Variants in AUTS2 observed in about 807,000 individuals in gnomAD.
The protein encoded by AUTS2 is activator of transcription and developmental regulator AUTS2.
AUTS2 carries 17 observed loss-of-function variants against 112.4 expected under a neutral mutation model. That is an observed-to-expected ratio of 0.15 (90% CI 0.10 to 0.23). The LOEUF (loss-of-function observed/expected upper bound fraction) is 0.23, where lower values mean the gene tolerates loss of function less well. Ranked by LOEUF, AUTS2 falls within the 10% of genes least tolerant of loss-of-function variation. The pLI, the probability that AUTS2 is intolerant of heterozygous loss-of-function variation, is 1.00. For missense variants in AUTS2, 1,510 were observed against 1,701.6 expected (o/e 0.89, Z 1.98); for synonymous variants, 751 against 702.7 (o/e 1.07, Z -1.09).
At chr7:70,028,117 C>T (rs901447284) in intron 2 of AUTS2, among the ~76,000 whole-genome samples, 2 of 151,754 alleles carry the variant, frequency 1.3e-5, no homozygotes, top group African/African-American at 4.8e-5. Context: ...TGCATGCTCT[C>T]TGACTCTCTC....
At chr7:69,910,800 G>T (rs1254593358) in intron 2 of AUTS2, among the ~76,000 whole-genome samples, 1 of 151,980 alleles carries the variant, frequency 6.6e-6, no homozygotes, top group Admixed American at 6.5e-5. Context: ...GCGAATTTTT[G>T]TATTTTTAGT....
chr7:70,170,005 G>A (rs1808584206), intron 4 of AUTS2, among the ~76,000 whole-genome samples: 1 of 151,674 alleles, frequency 6.6e-6, no homozygotes, highest in African/African-American at 2.4e-5. Context: ...AATACTTGCT[G>A]AAAATTGGAA....
chr7:70,227,157 G>T (rs1811808556), intron 4 of AUTS2, among the ~76,000 whole-genome samples: 1 of 152,038 alleles, frequency 6.6e-6, no homozygotes, highest in Non-Finnish European at 1.5e-5. Context: ...AGTCTTATAT[G>T]TGTATAAAAA....
intron 4 of AUTS2, among the ~76,000 whole-genome samples, chr7:70,383,879 A>C (rs1793489261): frequency 6.6e-6 from 1 of 152,170 alleles, no homozygotes; most frequent in South Asian, 2.1e-4. Flanking sequence ...CAAAATACCT[A>C]ACCACCATGA....
intron 4 of AUTS2, among the ~76,000 whole-genome samples, chr7:70,234,218 A>T (rs201611903): frequency 2.0e-5 from 3 of 152,308 alleles, no homozygotes; most frequent in African/African-American, 7.2e-5. Context: ...TTAATGTATT[A>T]TATCATATTT....
intron 4 of AUTS2, among the ~76,000 whole-genome samples, chr7:70,395,390 C>G (rs997290707): frequency 6.6e-5 from 10 of 152,188 alleles, no homozygotes; most frequent in Admixed American, 3.3e-4. Flanking sequence ...AAAACTTAGA[C>G]TTGAACCCAA....
chr7:70,434,417 G>C (rs1795805384), intron 4 of AUTS2, among the ~76,000 whole-genome samples: 1 of 152,162 alleles, frequency 6.6e-6, no homozygotes, highest in Non-Finnish European at 1.5e-5. Context: ...TCCTGTTTCT[G>C]TTCAAAGCTA....
chr7:69,948,301 G>A lies in AUTS2; in HGVS notation c.522+48803G>A, dbSNP rs562802977. Among the ~76,000 whole-genome samples, 5 of 152,276 alleles carry A rather than the reference G, an allele frequency of 3.3e-5. No homozygotes were observed. The South Asian group carries it at 1.0e-3, about 32-fold the overall frequency. ...CCCACTCAATCCACTTCACTGGATA[G>A]CATTGCTCAAAAGATATTCTTTTAC... On this transcript the variant is annotated intron_variant, in intron 2 of 18. Transcript: ENST00000342771.
chr7:70,673,629 G>C (rs1807759203), intron 5 of AUTS2, among the ~76,000 whole-genome samples: 1 of 152,054 alleles, frequency 6.6e-6, no homozygotes, highest in Non-Finnish European at 1.5e-5. Flanking sequence ...ACCTGCCTTG[G>C]CCTCTCAAGG....
intron 4 of AUTS2, among the ~76,000 whole-genome samples, chr7:70,165,147 A>G (rs372736371): frequency 6.6e-6 from 1 of 152,334 alleles, no homozygotes; most frequent in Non-Finnish European, 1.5e-5. Flanking sequence ...AGGATAGGCT[A>G]ATAAAGCCTT....
chr7:69,849,791 A>G lies in AUTS2; in HGVS notation c.310-49495A>G, dbSNP rs543500670. 7.9e-5 allele frequency among the ~76,000 whole-genome samples: 12 copies of G among 152,248 alleles called. No individual in the cohort carries two copies. In the South Asian group the frequency reaches 2.5e-3, roughly 32 times the overall value. On this transcript the variant is annotated intron_variant, in intron 1 of 18. Transcript: ENST00000342771. Reference sequence around the variant, plus strand: ...GAATGTTTATTCTTTATTACTACCTAGTAGTATTCCATGGTGTGGACACAT... The same window carrying G: ...GAATGTTTATTCTTTATTACTACCTGGTAGTATTCCATGGTGTGGACACAT...
At position 70,790,999 on chromosome 7, in the gene AUTS2, C is replaced by G; in HGVS notation, c.*3C>G. The G allele has an allele frequency of 6.7e-7, 1 of 1,490,718 alleles. No homozygotes were observed. The highest frequency in any genetic ancestry group is 1.4e-5 in the African/African-American group (1 of 71,210). The allele number at this position is 1,490,718 out of a possible 1,614,324, so 92.3% of individuals were successfully genotyped here. A position where few individuals can be genotyped will look rare whatever the true frequency, so the allele number is the denominator to read the frequency against. On this transcript the variant is annotated 3_prime_UTR_variant, in exon 19 of 19. Transcript: ENST00000342771. This position sits in a 1 kb window ranked among gnomAD's most constrained non-coding sequence, Gnocchi z 7.6. Reference sequence around the variant, plus strand: ...TGAAGGATATCGAGGCCCGATAAGCCGAGAACAGGAGCAAGAACGAGGAAG... The same window carrying G: ...TGAAGGATATCGAGGCCCGATAAGCGGAGAACAGGAGCAAGAACGAGGAAG...
chr7:70,613,401 T>C (rs2129534369), intron 5 of AUTS2, among the ~76,000 whole-genome samples: 1 of 152,304 alleles, frequency 6.6e-6, no homozygotes, highest in Non-Finnish European at 1.5e-5. Flanking sequence ...TCATAGTAGA[T>C]TCTGATGACA....
intron 4 of AUTS2, among the ~76,000 whole-genome samples, chr7:70,395,136 TGAGA>T (rs1433348714): frequency 6.6e-6 from 1 of 151,880 alleles, no homozygotes; most frequent in Non-Finnish European, 1.5e-5. Flanking sequence ...GGGCAAGGAC[TGAGA>T]GAGAGTGGGG....
intron 1 of AUTS2, among the ~76,000 whole-genome samples, chr7:69,896,737 G>A (rs775303832): frequency 6.6e-6 from 1 of 152,136 alleles, no homozygotes; most frequent in Non-Finnish European, 1.5e-5. Context: ...CTTATGTGAA[G>A]CACTGGGATT....
chr7:70,133,041 T>C (rs909968083), intron 3 of AUTS2, among the ~76,000 whole-genome samples: 5 of 152,150 alleles, frequency 3.3e-5, no homozygotes, highest in African/African-American at 1.2e-4. Context: ...CCATGACTAC[T>C]GTGGATCTCC....
intron 2 of AUTS2, among the ~76,000 whole-genome samples, chr7:69,960,601 ACAC>A (rs1797391102): frequency 6.6e-6 from 1 of 152,222 alleles, no homozygotes; most frequent in Non-Finnish European, 1.5e-5. Flanking sequence ...TTATGAAAAG[ACAC>A]AATATCGAAC....
At chr7:70,475,745 TCTA>T (rs1255456069) in intron 5 of AUTS2, among the ~76,000 whole-genome samples, 1 of 152,104 alleles carries the variant, frequency 6.6e-6, no homozygotes, top group African/African-American at 2.4e-5. Flanking sequence ...ACATGAAAAG[TCTA>T]CTAATAGCGG....
intron 1 of AUTS2, among the ~76,000 whole-genome samples, chr7:69,741,277 G>A (rs186628539): frequency 6.6e-6 from 1 of 152,154 alleles, no homozygotes. Context: ...TTCGAATCTG[G>A]GCACCACCAT....
Sources: gnomAD v4.1 joint callset for allele counts (sites outside exome capture counted in the v4.1 genomes callset) on GRCh38, gnomAD v4.1.1 for gene constraint, Gnocchi (gnomAD v3.1) non-coding constraint, MANE v1.5 for transcripts, NCBI Gene and HGNC (gene_info 2026-07-23, HGNC 2026-07-21) for gene names.